Variants in CFTR observed in about 807,000 individuals in gnomAD.
CFTR encodes CF transmembrane conductance regulator.
Under a neutral mutation model 171.6 loss-of-function variants are expected in CFTR, and 181 were observed. The ratio of observed to expected loss-of-function variants is 1.05; its 90% CI spans 0.93 to 1.19. The LOEUF (loss-of-function observed/expected upper bound fraction) is 1.19. Ranked by LOEUF, CFTR falls within the 50% of genes most tolerant of loss-of-function variation. The pLI, the probability that CFTR is intolerant of heterozygous loss-of-function variation, is 0.00. For synonymous variants in CFTR, 583 were observed against 608.0 expected (o/e 0.96, Z 0.60); for missense variants, 1,968 against 1,734.7 (o/e 1.13, Z -2.39).
intron 10 of CFTR, among the ~76,000 whole-genome samples, chr7:117,558,650 T>G (rs1363132534): frequency 1.3e-5 from 2 of 152,150 alleles, no homozygotes; most frequent in Non-Finnish European, 2.9e-5. Flanking sequence ...GTCAGTAGTA[T>G]TATCTTTTTT....
At chr7:117,642,091 T>C (rs557349874) in intron 22 of CFTR, among the ~76,000 whole-genome samples, 4 of 152,342 alleles carry the variant, frequency 2.6e-5, no homozygotes, top group African/African-American at 9.6e-5. Flanking sequence ...CTTGAGCCTA[T>C]GTTTAGAGAT....
At chr7:117,525,347 A>G (rs1798757712) in intron 3 of CFTR, among the ~76,000 whole-genome samples, 1 of 145,538 alleles carries the variant, frequency 6.9e-6, no homozygotes, top group Non-Finnish European at 1.5e-5. Context: ...GCTGAAAAAA[A>G]TGTATATTCT....
At chr7:117,549,925 A>T (rs1799240413) in intron 10 of CFTR, among the ~76,000 whole-genome samples, 1 of 152,210 alleles carries the variant, frequency 6.6e-6, no homozygotes, top group Non-Finnish European at 1.5e-5. Context: ...AATAGAAATT[A>T]AGAAAGACTC....
At chr7:117,561,166 C>A (rs1476613710) in intron 11 of CFTR, among the ~76,000 whole-genome samples, 3 of 151,838 alleles carry the variant, frequency 2.0e-5, no homozygotes, top group African/African-American at 7.3e-5. Flanking sequence ...CCTGGGAATA[C>A]CAAATTGAAT....
At position 117,590,356 on chromosome 7, in the gene CFTR, A is replaced by G; in HGVS notation, c.1683A>G (p.Ala561=). The change falls in exon 13 of 27, where the codon GCA becomes GCG. Residue 561 remains alanine (A), a synonymous_variant. Coordinates refer to ENST00000003084, the MANE Select transcript of CFTR (RefSeq NM_000492.4). ...TTAATTTCCATTTTCTTTTTAGAGC[A>G]GTATACAAAGATGCTGATTTGTATT... ...GQRARISLAR[A]VYKDADLYLL... The G allele has an allele frequency of 6.2e-7, 1 of 1,602,752 alleles. No homozygotes were observed. The highest frequency in any genetic ancestry group is 2.2e-5 in the East Asian group (1 of 44,556).
rs762431611 is a variant in CFTR, at chr7:117,535,310, A to G, written c.642A>G (p.Leu214=). The change falls in exon 6 of 27, where the codon CTA becomes CTG. Residue 214 remains leucine (L), a synonymous_variant. Transcript: ENST00000003084. ...APLQVALLMG[L]IWELLQASAF... ...TGCAAGTGGCACTCCTCATGGGGCT[A>G]ATCTGGGAGTTGTTACAGGCGTCTG... The G allele has an allele frequency of 6.2e-7, 1 of 1,614,066 alleles. No homozygotes were observed. Among genetic ancestry groups the G allele is most frequent in the Non-Finnish European group, 8.5e-7 (1 of 1,179,986 alleles).
intron 15 of CFTR, among the ~76,000 whole-genome samples, chr7:117,599,225 GT>G (rs1200999223): frequency 2.0e-5 from 3 of 152,128 alleles, no homozygotes; most frequent in Non-Finnish European, 4.4e-5. Flanking sequence ...CTTTATAATT[GT>G]TAATGATTTG....
At chr7:117,573,380 A>C (rs1386687222) in intron 11 of CFTR, among the ~76,000 whole-genome samples, 1 of 152,146 alleles carries the variant, frequency 6.6e-6, no homozygotes, top group Non-Finnish European at 1.5e-5. Flanking sequence ...ACAATCTCAA[A>C]CAGACCCAAT....
At chr7:117,543,666 G>A (rs1799093598) in intron 9 of CFTR, among the ~76,000 whole-genome samples, 2 of 152,304 alleles carry the variant, frequency 1.3e-5, no homozygotes, top group South Asian at 4.1e-4. Flanking sequence ...ACTGAAAATG[G>A]ATTTTAGTCC....
At position 117,519,209 on chromosome 7, in the gene CFTR, T is replaced by C. The variant is rs192573268; in HGVS notation, c.273+10067T>C. Among the ~76,000 whole-genome samples the C allele has an allele frequency of 2.0e-5, 3 of 152,238 alleles. No homozygotes were observed. In the East Asian group the frequency reaches 5.8e-4, roughly 29 times the overall value. On this transcript the variant is annotated intron_variant, in intron 3 of 26. Transcript: ENST00000003084. ...TATTTTTGCAAAAACTATAAACAAT[T>C]GTGGCAAAATGAAGGAAATATTTAA... is the stretch of plus-strand genomic sequence containing the variant.
At chr7:117,547,004 G>C (rs1799158129) in intron 9 of CFTR, among the ~76,000 whole-genome samples, 1 of 152,194 alleles carries the variant, frequency 6.6e-6, no homozygotes, top group Non-Finnish European at 1.5e-5. Context: ...ATATTAATTC[G>C]TTTGTCATTC....
At chr7:117,574,216 GA>G in intron 11 of CFTR, among the ~76,000 whole-genome samples, 2 of 152,056 alleles carry the variant, frequency 1.3e-5, no homozygotes, top group South Asian at 4.2e-4. Flanking sequence ...ATCAAATAGA[GA>G]AAGCCAAACA....
At chr7:117,565,079 G>T (rs1447070961) in intron 11 of CFTR, among the ~76,000 whole-genome samples, 1 of 152,042 alleles carries the variant, frequency 6.6e-6, no homozygotes, top group Non-Finnish European at 1.5e-5. Context: ...GAATTTCTAG[G>T]CAAAGTGACA....
chr7:117,562,588 T>C (rs968396513), intron 11 of CFTR, among the ~76,000 whole-genome samples: 2 of 152,136 alleles, frequency 1.3e-5, no homozygotes, highest in Admixed American at 1.3e-4. Flanking sequence ...ACATAAAAAT[T>C]ACTTGTGTGA....
intron 22 of CFTR, among the ~76,000 whole-genome samples, chr7:117,641,076 C>T (rs1487688251): frequency 1.3e-5 from 2 of 152,094 alleles, no homozygotes; most frequent in Non-Finnish European, 2.9e-5. Context: ...TTGTACTTAA[C>T]ATTTGATTGA....
At chr7:117,666,048 T>G (rs1433574181) in intron 26 of CFTR, among the ~76,000 whole-genome samples, 2 of 152,134 alleles carry the variant, frequency 1.3e-5, no homozygotes, top group Non-Finnish European at 2.9e-5. Context: ...TCAACCACCT[T>G]CTCACTGTTC....
intron 11 of CFTR, among the ~76,000 whole-genome samples, chr7:117,573,983 C>T (rs1791733495): frequency 6.6e-6 from 1 of 152,038 alleles, no homozygotes; most frequent in African/African-American, 2.4e-5. Flanking sequence ...TAAGGCTTCT[C>T]TGATAAGCAG....
rs773511304 is a variant in CFTR at position 117,614,682 on chromosome 7, C to A, written c.3437C>A (p.Ala1146Asp). 2 of 1,611,910 alleles carry A rather than the reference C, an allele frequency of 1.2e-6. No individual in the cohort carries two copies. The highest frequency in any genetic ancestry group is 1.7e-6 in the Non-Finnish European group (2 of 1,178,354). ...AATATCATGAGTACATTGCAGTGGG[C>A]TGTAAACTCCAGCATAGATGTGGAT... Reference protein sequence around the residue: ...AMNIMSTLQWAVNSSIDVDSL... With the variant: ...AMNIMSTLQWDVNSSIDVDSL... Residue 1146 changes from alanine (A) to aspartate (D), a missense_variant, in exon 21 of 27, where the codon GCT becomes GAT. Physicochemically the swap from Ala to Asp is moderately radical, Grantham distance 126 (BLOSUM62 -2). Transcript: ENST00000003084.
chr7:117,511,849 A>G (rs552586390), intron 3 of CFTR, among the ~76,000 whole-genome samples: 5 of 152,164 alleles, frequency 3.3e-5, no homozygotes, highest in Non-Finnish European at 5.9e-5. Flanking sequence ...TGTCTCTTAT[A>G]AGAATAAAAG....
Sources: allele counts gnomAD v4.1 joint callset (sites outside exome capture counted in the v4.1 genomes callset), GRCh38; gene constraint gnomAD v4.1.1; transcripts MANE v1.5; gene names NCBI Gene and HGNC (gene_info 2026-07-23, HGNC 2026-07-21).